ZCCHC14: variants seen among roughly 807,000 people sequenced by gnomAD.
ZCCHC14 encodes the protein zinc finger CCHC-type containing 14, also known as zinc finger CCHC domain-containing protein 14.
In ZCCHC14, 16 loss-of-function variants were observed where a neutral mutation model predicts 85.0. The observed-to-expected ratio is 0.19, with a 90% CI of 0.13 to 0.29. The LOEUF (loss-of-function observed/expected upper bound fraction) is 0.29, where lower values mean the gene tolerates loss of function less well. Among genes scored for constraint, ZCCHC14 ranks in the 10% least tolerant of loss-of-function variants. The pLI is 1.00. For synonymous variants in ZCCHC14, 775 were observed against 630.7 expected (o/e 1.23, Z -3.43); for missense variants, 1,303 against 1,443.5 (o/e 0.90, Z 1.58).
At chr16:87,469,657 TG>T (rs1482426427) in intron 1 of ZCCHC14, among the ~76,000 whole-genome samples, 1 of 152,250 alleles carries the variant, frequency 6.6e-6, no homozygotes, top group Non-Finnish European at 1.5e-5. Context: ...GTTATTATTG[TG>T]GTGCTTGCGG....
At chr16:87,469,109 G>A (rs1440592349) in intron 1 of ZCCHC14, among the ~76,000 whole-genome samples, 2 of 152,136 alleles carry the variant, frequency 1.3e-5, no homozygotes, top group East Asian at 1.9e-4. Flanking sequence ...TGGAGACATG[G>A]TCTATGTTGC....
chr16:87,462,282 T>A (rs1215317944), intron 1 of ZCCHC14, among the ~76,000 whole-genome samples: 1 of 152,248 alleles, frequency 6.6e-6, no homozygotes, highest in Non-Finnish European at 1.5e-5. Flanking sequence ...GTCTCTTTCA[T>A]TATTCTATGG....
chr16:87,410,594 G>C (rs1406976994), intron 12 of ZCCHC14, among the ~76,000 whole-genome samples: 1 of 152,212 alleles, frequency 6.6e-6, no homozygotes, highest in African/African-American at 2.4e-5. Flanking sequence ...CTGGGAGTCA[G>C]GCTCTGCACA....
rs557019514 is a variant in ZCCHC14 at position 87,433,805 on chromosome 16, G to A, written c.695-604C>T. On this transcript the variant is annotated intron_variant, in intron 2 of 12. Transcript: ENST00000671377. ...TACAGGCGCATGCACCACCGTGCCT[G>A]GCTGATTTTTGTACTTTTAGAAGAG... Among the ~76,000 whole-genome samples, 3 of 152,064 alleles carry A rather than the reference G, an allele frequency of 2.0e-5. No homozygotes were observed. The East Asian group carries it at 5.8e-4, about 29-fold the overall frequency.
chr16:87,480,352 G>A (rs1273292506), intron 1 of ZCCHC14, among the ~76,000 whole-genome samples: 8 of 152,030 alleles, frequency 5.3e-5, no homozygotes, highest in South Asian at 4.1e-4. Flanking sequence ...GCAGTGAGCC[G>A]AGATTGCGCC....
intron 7 of ZCCHC14, chr16:87,418,027 C>T (rs1567511516): frequency 8.8e-6 from 4 of 452,002 alleles, no homozygotes; most frequent in Middle Eastern, 5.5e-4. Context: ...TCGGAGTATG[C>T]GTCTACTTGT....
At position 87,429,791 on chromosome 16, in the gene ZCCHC14, G is replaced by T. The variant is rs569411757; in HGVS notation, c.768+3337C>A. 1.7e-4 allele frequency among the ~76,000 whole-genome samples: 26 copies of T among 152,294 alleles called. No homozygotes were observed. The South Asian group carries it at 5.4e-3, about 32-fold the overall frequency. ...CTGGCTAATTTTTCTATTTTTACTAGAGAGAGGGTTTTGCCATCTTGGCTA... is the reference window on the plus strand; with the variant it reads ...CTGGCTAATTTTTCTATTTTTACTATAGAGAGGGTTTTGCCATCTTGGCTA... On this transcript the variant is annotated intron_variant, in intron 3 of 12. Coordinates refer to ENST00000671377, the MANE Select transcript of ZCCHC14 (RefSeq NM_015144.3).
intron 2 of ZCCHC14, among the ~76,000 whole-genome samples, chr16:87,438,498 C>T (rs555017831): frequency 1.3e-4 from 20 of 152,300 alleles, no homozygotes; most frequent in African/African-American, 4.6e-4. Context: ...GGGAAGGAGA[C>T]GGAATGATGC....
intron 1 of ZCCHC14, among the ~76,000 whole-genome samples, chr16:87,462,013 A>C (rs1024559296): frequency 9.2e-5 from 14 of 152,092 alleles, no homozygotes; most frequent in Admixed American, 9.2e-4. Flanking sequence ...CATGGCTATA[A>C]TCCCAGCACT....
chr16:87,433,894 T>C (rs1909785039), intron 2 of ZCCHC14, among the ~76,000 whole-genome samples: 1 of 151,916 alleles, frequency 6.6e-6, no homozygotes, highest in Non-Finnish European at 1.5e-5. Flanking sequence ...TCCGCCCGCC[T>C]CAGCCTCCCA....
At chr16:87,415,653 G>A (rs1018665713) in intron 8 of ZCCHC14, among the ~76,000 whole-genome samples, 1 of 152,226 alleles carries the variant, frequency 6.6e-6, no homozygotes, top group Non-Finnish European at 1.5e-5. Flanking sequence ...TCACAGGCTG[G>A]CGGCTCTGCC....
intron 2 of ZCCHC14, among the ~76,000 whole-genome samples, chr16:87,459,635 G>A (rs1400224677): frequency 4.0e-5 from 6 of 151,552 alleles, no homozygotes; most frequent in African/African-American, 1.5e-4. Context: ...TCAGCCTCCC[G>A]AGTAGCTGGG....
intron 3 of ZCCHC14, among the ~76,000 whole-genome samples, chr16:87,426,257 G>A (rs950824809): frequency 1.3e-5 from 2 of 152,178 alleles, no homozygotes; most frequent in African/African-American, 2.4e-5. Flanking sequence ...GCATGGGGGC[G>A]GGAAGAGCAT....
chr16:87,466,171 GA>G (rs34445417), intron 1 of ZCCHC14, among the ~76,000 whole-genome samples: 43,816 of 151,776 alleles, frequency 0.29, 9,470 homozygotes, highest in African/African-American at 0.59. Context: ...CCGCCTGACA[GA>G]AAAAAACCCA....
At chr16:87,490,579 G>A (rs929039605) in intron 1 of ZCCHC14, among the ~76,000 whole-genome samples, 1 of 152,206 alleles carries the variant, frequency 6.6e-6, no homozygotes, top group Non-Finnish European at 1.5e-5. Context: ...TGGCCAGGAC[G>A]CCCTTCCGGT....
chr16:87,491,491 AGGATGGGGCTTG>A lies in ZCCHC14; in HGVS notation c.570+166_570+177del, dbSNP rs1284392353. 5.3e-5 allele frequency among the ~76,000 whole-genome samples: 8 copies of A among 151,676 alleles called. No individual in the cohort carries two copies. In the South Asian group the frequency reaches 1.5e-3, roughly 28 times the overall value. ...CATTTGGGGTGCGACATAGAGGCTT[AGGATGGGGCTTG>A]GGATACGGGCTGGGGGCTCGTGGTG... On this transcript the variant is annotated intron_variant, in intron 1 of 12. Transcript: ENST00000671377. The surrounding 1 kb of genome is among the most constrained non-coding windows in gnomAD (Gnocchi z 5.9).
At position 87,463,072 on chromosome 16, in the gene ZCCHC14, G is replaced by T. The variant is rs1163340913; in HGVS notation, c.571-2941C>A. Among the ~76,000 whole-genome samples the T allele has an allele frequency of 2.7e-5, 4 of 149,538 alleles. No homozygotes were observed. The East Asian group carries it at 8.0e-4, about 30-fold the overall frequency. On this transcript the variant is annotated intron_variant, in intron 1 of 12. Coordinates refer to ENST00000671377, the MANE Select transcript of ZCCHC14 (RefSeq NM_015144.3). ...AACGAGAGTGAAACTCTGTCTCAAA[G>T]AAAAAGAAAAAAAGAAAAAAGAAAC...
chr16:87,461,183 C>A (rs969430897), intron 1 of ZCCHC14, among the ~76,000 whole-genome samples: 1 of 152,198 alleles, frequency 6.6e-6, no homozygotes, highest in African/African-American at 2.4e-5. Context: ...AAACAAGCCA[C>A]GGGCTAGCCA....
At chr16:87,482,456 C>G (rs1392129191) in intron 1 of ZCCHC14, among the ~76,000 whole-genome samples, 1 of 152,326 alleles carries the variant, frequency 6.6e-6, no homozygotes, top group Admixed American at 6.5e-5. Context: ...CCAGCCGGCC[C>G]GGCACACCCA....
Sources: gnomAD v4.1 joint callset for allele counts (sites outside exome capture counted in the v4.1 genomes callset) on GRCh38, gnomAD v4.1.1 for gene constraint, Gnocchi (gnomAD v3.1) non-coding constraint, MANE v1.5 for transcripts, NCBI Gene and HGNC (gene_info 2026-07-23, HGNC 2026-07-21) for gene names.